Variants in IQGAP1 observed in about 807,000 individuals in gnomAD.
IQGAP1 encodes IQ motif containing GTPase activating protein 1.
IQGAP1 carries 66 observed loss-of-function variants against 215.6 expected under a neutral mutation model. The observed-to-expected ratio is 0.31, with a 90% confidence interval of 0.25 to 0.38. The LOEUF (loss-of-function observed/expected upper bound fraction) is 0.38, where lower values mean the gene tolerates loss of function less well. IQGAP1 is among the 10% of genes least tolerant of loss of function. IQGAP1 has a pLI of 1.00. For synonymous variants in IQGAP1, 772 were observed against 728.7 expected (o/e 1.06, Z -0.96); for missense variants, 1,712 against 1,997.1 (o/e 0.86, Z 2.72).
rs979229319 is a variant in IQGAP1 at position 90,399,398 on chromosome 15, A to G, written c.155+8525A>G. Among the ~76,000 whole-genome samples the G allele has an allele frequency of 2.0e-5, 3 of 152,040 alleles. 1 individual carries two copies. In the East Asian group the frequency reaches 5.8e-4, roughly 29 times the overall value. On this transcript the variant is annotated intron_variant, in intron 2 of 37. Coordinates refer to ENST00000268182, the MANE Select transcript of IQGAP1 (RefSeq NM_003870.4). Reference sequence around the variant, plus strand: ...GTTTATCAGTATTATTTTCTTATGCAAATTTTCTGTTTTTGTTATGTGCCT... The same window carrying G: ...GTTTATCAGTATTATTTTCTTATGCGAATTTTCTGTTTTTGTTATGTGCCT...
At chr15:90,394,168 A>C in intron 2 of IQGAP1, among the ~76,000 whole-genome samples, 1 of 139,540 alleles carries the variant, frequency 7.2e-6, no homozygotes, top group African/African-American at 2.6e-5. Flanking sequence ...GGCAGTGGAG[A>C]CATTTGTGAT....
At chr15:90,494,536 G>A (rs1966247704) in intron 35 of IQGAP1, 177 bp from the exon 36 acceptor site, 2 of 420,468 alleles carry the variant, frequency 4.8e-6, no homozygotes, top group Non-Finnish European at 4.3e-6. Context: ...TATTTCCCCT[G>A]TTTTGCAGAG....
chr15:90,433,696 C>G, intron 4 of IQGAP1, 23 bp from the exon 5 acceptor site: 1 of 1,392,762 alleles, frequency 7.2e-7, no homozygotes, highest in South Asian at 1.2e-5. Flanking sequence ...ATATCTTACT[C>G]TGTTTCTTTT....
chr15:90,395,573 G>A (rs528514880), intron 2 of IQGAP1, among the ~76,000 whole-genome samples: 5 of 152,180 alleles, frequency 3.3e-5, no homozygotes, highest in South Asian at 2.1e-4. Context: ...GCCCGCCTTG[G>A]CCTCCCACAG....
Position 90,477,789 on chromosome 15 carries a change from A to G in IQGAP1, c.3229A>G (p.Lys1077Glu). 1 of 1,614,002 alleles carries G rather than the reference A, an allele frequency of 6.2e-7. No homozygotes were observed. The highest frequency in any genetic ancestry group is 1.3e-5 in the African/African-American group (1 of 74,998). ...ALRQILAPVV[K>E]EIMDDKSLNI... ...GAGACAGATCTTGGCCCCAGTCGTG[A>G]AGGAAATTATGGATGACAAATCTCT... Residue 1077 changes from lysine to glutamate, a missense_variant, in exon 26 of 38, where the codon AAG (lysine) becomes GAG (glutamate). Coordinates refer to ENST00000268182, the MANE Select transcript of IQGAP1 (RefSeq NM_003870.4).
intron 8 of IQGAP1, 22 bp from the exon 9 acceptor site, chr15:90,443,372 T>TA (rs1316363563): frequency 1.3e-6 from 2 of 1,545,916 alleles, no homozygotes; most frequent in Non-Finnish European, 1.8e-6. Flanking sequence ...CTAACTTAAT[T>TA]ACGCTTTTTA....
Position 90,390,459 on chromosome 15 carries a change from G to C in IQGAP1, c.56-315G>C, listed in dbSNP as rs538363772. Among the ~76,000 whole-genome samples, 7 of 152,336 alleles carry C rather than the reference G, an allele frequency of 4.6e-5. No homozygotes were observed. The East Asian group carries it at 1.3e-3, about 29-fold the overall frequency. On this transcript the variant is annotated intron_variant, in intron 1 of 37. Coordinates refer to ENST00000268182, the MANE Select transcript of IQGAP1 (RefSeq NM_003870.4). ...ATAAAAGAGGGAAACAATATTATCA[G>C]ATCTGTATTTAGAAGGAGTTCTGGC... is the stretch of plus-strand genomic sequence containing the variant.
rs188700089 is a variant in IQGAP1, at chr15:90,482,018, C to T, written c.3388C>T (p.Arg1130Trp). 11 of 1,614,194 alleles carry T rather than the reference C, an allele frequency of 6.8e-6. No homozygotes were observed. The African/African-American group carries it at 8.0e-5, about 12-fold the overall frequency. ...QALAHEEVKTRLDSSIRNMRA... is the reference protein window; with the variant it reads ...QALAHEEVKTWLDSSIRNMRA... ...GCTAGCTCATGAAGAAGTGAAGACA[C>T]GGCTAGACAGCTCCATCAGGAACAT... The change falls in exon 27 of 38, where the codon CGG becomes TGG. Residue 1130 changes from arginine to tryptophan, a missense_variant. Transcript: ENST00000268182.
intron 5 of IQGAP1, among the ~76,000 whole-genome samples, chr15:90,434,985 CTA>C (rs1180191735): frequency 2.6e-5 from 4 of 152,230 alleles, no homozygotes; most frequent in Non-Finnish European, 4.4e-5. Context: ...ATGGCATCCT[CTA>C]TGTGTGCTTG....
chr15:90,402,061 A>G (rs1278923149), intron 2 of IQGAP1, among the ~76,000 whole-genome samples: 2 of 152,214 alleles, frequency 1.3e-5, no homozygotes, highest in African/African-American at 4.8e-5. Flanking sequence ...ACTGGTGCCC[A>G]GAGACATTAA....
At chr15:90,499,214 A>G (rs1966311555) in intron 37 of IQGAP1, among the ~76,000 whole-genome samples, 1 of 152,210 alleles carries the variant, frequency 6.6e-6, no homozygotes, top group South Asian at 2.1e-4. Flanking sequence ...CTTGTTCAGG[A>G]CAATGGTGAA....
intron 14 of IQGAP1, among the ~76,000 whole-genome samples, chr15:90,455,789 C>G (rs1347085877): frequency 6.6e-6 from 1 of 152,186 alleles, no homozygotes; most frequent in African/African-American, 2.4e-5. Flanking sequence ...AACCCTTGAA[C>G]CTTTTTAAGA....
At chr15:90,408,060 A>G (rs1282411391) in intron 2 of IQGAP1, among the ~76,000 whole-genome samples, 2 of 152,226 alleles carry the variant, frequency 1.3e-5, no homozygotes, top group African/African-American at 4.8e-5. Flanking sequence ...CTGACATTGT[A>G]TGGTCAGGCG....
intron 6 of IQGAP1, among the ~76,000 whole-genome samples, chr15:90,440,014 A>G (rs921267195): frequency 6.6e-6 from 1 of 152,216 alleles, no homozygotes; most frequent in Admixed American, 6.5e-5. Context: ...GTTTTTGTCC[A>G]TGATATTTTT....
chr15:90,450,410 T>A (rs951379558), intron 11 of IQGAP1, among the ~76,000 whole-genome samples: 1 of 144,028 alleles, frequency 6.9e-6, no homozygotes, highest in East Asian at 2.2e-4. Flanking sequence ...ATATCTTGGC[T>A]ATTGTGAATA....
At chr15:90,496,804 TTTTG>T (rs1966280843) in intron 36 of IQGAP1, 1 of 154,132 alleles carries the variant, frequency 6.5e-6, no homozygotes, top group East Asian at 1.9e-4. Flanking sequence ...ACGGACCCCC[TTTTG>T]TTTATTTACT....
chr15:90,494,832 A>G lies in IQGAP1; in HGVS notation c.4748A>G (p.Asn1583Ser). ...VLLEIEDLQVNQFKNVIFEIS... is the reference protein window; with the variant it reads ...VLLEIEDLQVSQFKNVIFEIS... ...CTGGAAATTGAGGACCTGCAAGTGA[A>G]TCAGTGAGTCTTTGCTTTTTGTTTT... is the stretch of plus-strand genomic sequence containing the variant. The change falls in exon 36 of 38, where the codon AAT becomes AGT. Residue 1583 changes from asparagine (N) to serine (S), a missense_variant. By Grantham distance (46) the Asn-to-Ser change is conservative. Coordinates refer to ENST00000268182, the MANE Select transcript of IQGAP1 (RefSeq NM_003870.4). 6.2e-7 allele frequency: 1 copy of G among 1,601,620 alleles called. No individual in the cohort carries two copies. The highest frequency in any genetic ancestry group is 8.5e-7 in the Non-Finnish European group (1 of 1,173,314).
chr15:90,425,194 C>T (rs981351897), intron 2 of IQGAP1, among the ~76,000 whole-genome samples: 1 of 152,032 alleles, frequency 6.6e-6, no homozygotes, highest in African/African-American at 2.4e-5. Flanking sequence ...CCTGGAGTCC[C>T]AGCTACTCAG....
intron 2 of IQGAP1, among the ~76,000 whole-genome samples, chr15:90,415,403 A>T (rs1263115880): frequency 2.0e-5 from 3 of 152,122 alleles, no homozygotes; most frequent in Admixed American, 1.3e-4. Context: ...TTAGTTTTTT[A>T]AAAATGGCCT....
Sources: gnomAD v4.1 joint callset for allele counts (sites outside exome capture counted in the v4.1 genomes callset) on GRCh38, gnomAD v4.1.1 for gene constraint, MANE v1.5 for transcripts, NCBI Gene and HGNC (gene_info 2026-07-23, HGNC 2026-07-21) for gene names.